The following KLRF2 variants were observed in gnomAD, a reference collection of about 807,000 sequenced individuals.
The protein encoded by KLRF2 is killer cell lectin-like receptor subfamily F member 2.
Under a neutral mutation model 25.3 loss-of-function variants are expected in KLRF2, and 28 were observed. The ratio of observed to expected loss-of-function variants is 1.11; its 90% CI spans 0.82 to 1.52. The LOEUF is 1.52. KLRF2 is among the 40% of genes most tolerant of loss of function. The pLI is 0.00. For missense variants in KLRF2, 265 were observed against 245.8 expected, an observed-to-expected ratio of 1.08 and a Z score of -0.52; for synonymous variants, 73 against 85.0, an observed-to-expected ratio of 0.86 and a Z score of 0.78.
intron 2 of KLRF2, among the ~76,000 whole-genome samples, chr12:9,886,752 C>T (rs565755004): frequency 1.3e-3 from 177 of 139,656 alleles, no homozygotes; most frequent in African/African-American, 4.6e-3. Flanking sequence ...GGATTTTGCC[C>T]CTATATCATG....
intron 3 of KLRF2, 32 bp downstream of exon 3, chr12:9,888,812 C>G (rs969922426): frequency 1.5e-6 from 2 of 1,355,074 alleles, no homozygotes; most frequent in African/African-American, 2.9e-5. Context: ...ATGTGCTACT[C>G]TTAGGGGTAA....
intron 2 of KLRF2, among the ~76,000 whole-genome samples, chr12:9,888,215 G>A (rs550878251): frequency 6.6e-6 from 1 of 152,042 alleles, no homozygotes; most frequent in South Asian, 2.1e-4. Flanking sequence ...TGCAGGCCGG[G>A]CATGGTGGCT....
intron 5 of KLRF2, among the ~76,000 whole-genome samples, chr12:9,893,893 A>G (rs1392946871): frequency 6.6e-6 from 1 of 152,186 alleles, no homozygotes; most frequent in Non-Finnish European, 1.5e-5. Context: ...GGTAAAAGCA[A>G]AGACAAAATT....
chr12:9,894,002 G>A (rs1413406495), intron 5 of KLRF2, among the ~76,000 whole-genome samples: 1 of 151,854 alleles, frequency 6.6e-6, no homozygotes, highest in Non-Finnish European at 1.5e-5. Context: ...AACTAAACTT[G>A]TTGATATCCA....
At chr12:9,889,091 T>C (rs1862640805) in intron 3 of KLRF2, among the ~76,000 whole-genome samples, 1 of 152,198 alleles carries the variant, frequency 6.6e-6, no homozygotes, top group African/African-American at 2.4e-5. Flanking sequence ...AGGTGTGACA[T>C]GTAATGGCTG....
chr12:9,881,747 T>C, intron 1 of KLRF2, 82 bp downstream of exon 1: 1 of 981,438 alleles, frequency 1.0e-6, no homozygotes. Context: ...ATTTTTAACA[T>C]CTTAACATTG....
In KLRF2 at chr12:9,895,680, G is replaced by T. The variant is rs1318486841; in HGVS notation, c.480-9G>T. 2 of 1,515,874 alleles carry T rather than the reference G, an allele frequency of 1.3e-6. No individual in the cohort carries two copies. Among genetic ancestry groups the T allele is most frequent in the Non-Finnish European group, 1.8e-6 (2 of 1,140,838 alleles). 93.9% of individuals were successfully genotyped at this position (1,515,874 alleles called of 1,614,324 possible). Reference sequence around the variant, plus strand: ...ATAAATGCTGAAAAATCTGTCCTTTGTCTCTTAGGTTTTCAGTGATTGGAC... The same window carrying T: ...ATAAATGCTGAAAAATCTGTCCTTTTTCTCTTAGGTTTTCAGTGATTGGAC... On this transcript the variant is annotated splice_polypyrimidine_tract_variant and intron_variant, in intron 5 of 5. Transcript: ENST00000535540.
chr12:9,894,126 T>TTTTCTCTCTC (rs1862724795), intron 5 of KLRF2, among the ~76,000 whole-genome samples: 1 of 130,200 alleles, frequency 7.7e-6, no homozygotes, highest in African/African-American at 3.0e-5. Context: ...TTTCTTTTCT[T>TTTTCTCTCTC]TCTCTCTCTC....
At chr12:9,892,938 C>G (rs16908349) in intron 3 of KLRF2, 82 bp from the exon 4 acceptor site, 32,005 of 1,144,534 alleles carry the variant, frequency 0.028, 629 homozygotes, top group Middle Eastern at 0.053. Context: ...AATCTATTTT[C>G]CAAGTAGTCA....
intron 3 of KLRF2, 77 bp from the exon 4 acceptor site, chr12:9,892,943 T>A: frequency 8.5e-7 from 1 of 1,179,894 alleles, no homozygotes; most frequent in Non-Finnish European, 1.2e-6. Context: ...ATTTTCCAAG[T>A]AGTCACATTT....
chr12:9,884,787 C>G (rs1290132680), intron 1 of KLRF2, 147 bp from the exon 2 acceptor site: 2 of 363,066 alleles, frequency 5.5e-6, no homozygotes, highest in East Asian at 4.2e-5. Flanking sequence ...GTTTGGGATT[C>G]TAGACTTTTT....
chr12:9,894,870 T>C (rs1862739250), intron 5 of KLRF2, among the ~76,000 whole-genome samples: 1 of 152,070 alleles, frequency 6.6e-6, no homozygotes, highest in Non-Finnish European at 1.5e-5. Context: ...ATATTATTTT[T>C]TACTTTTTTG....
At position 9,886,763 on chromosome 12, in the gene KLRF2, CAAAAAA is replaced by C. The variant is rs770999069; in HGVS notation, c.169+1745_169+1750del. Among the ~76,000 whole-genome samples, 63 of 103,506 alleles carry C rather than the reference CAAAAAA, an allele frequency of 6.1e-4. 1 individual carries two copies. Among genetic ancestry groups the C allele is most frequent in the African/African-American group, 1.9e-3 (50 of 26,578 alleles). 67.9% of individuals were successfully genotyped at this position (103,506 alleles called of 152,430 possible). ...CAGTGGATTTTGCCCCTATATCATG[CAAAAAA>C]AAAAAAAAAAAAAGAGAGAAGAACT... On this transcript the variant is annotated intron_variant, in intron 2 of 5. Transcript: ENST00000535540.
chr12:9,884,272 A>G (rs967973174), intron 1 of KLRF2, among the ~76,000 whole-genome samples: 4 of 152,052 alleles, frequency 2.6e-5, no homozygotes, highest in African/African-American at 7.2e-5. Context: ...GCGATGAAAT[A>G]CTATAGCATA....
intron 3 of KLRF2, among the ~76,000 whole-genome samples, chr12:9,891,657 C>T (rs972590012): frequency 6.6e-6 from 1 of 152,076 alleles, no homozygotes; most frequent in Non-Finnish European, 1.5e-5. Context: ...ATTTAGTTAT[C>T]CTGAATCTTT....
intron 2 of KLRF2, among the ~76,000 whole-genome samples, chr12:9,888,266 G>A (rs1333186587): frequency 1.5e-4 from 22 of 151,724 alleles, no homozygotes; most frequent in Admixed American, 7.2e-4. Context: ...CGAGGCGGGC[G>A]GATCACGAGG....
chr12:9,893,164 AG>A lies in KLRF2; in HGVS notation c.363del (p.Glu121AspfsTer9), dbSNP rs1347108427. On this transcript the variant is annotated frameshift_variant, in exon 4 of 6. Transcript: ENST00000535540. LOFTEE classifies it high-confidence loss of function. ...TTACTGGTGATTCAAAATTTGGATG[AG>A]CTGGTGAGAAATCAAAAACAGGATC... The part of the protein sequence containing the change: ...AHLLVIQNLD[E>X]LEFIQNSLKP... 1 of 1,530,904 alleles carries A rather than the reference AG, an allele frequency of 6.5e-7. No individual in the cohort carries two copies. Among genetic ancestry groups the A allele is most frequent in the East Asian group, 2.5e-5 (1 of 40,784 alleles). 94.8% of individuals were successfully genotyped at this position (1,530,904 alleles called of 1,614,324 possible).
At chr12:9,885,060 A>T in intron 2 of KLRF2, 28 bp downstream of exon 2, 4 of 854,250 alleles carry the variant, frequency 4.7e-6, no homozygotes, top group Non-Finnish European at 6.3e-6. Flanking sequence ...ATTTATTTGA[A>T]CATTTTCAGA....
intron 1 of KLRF2, among the ~76,000 whole-genome samples, chr12:9,883,098 A>T (rs1868111971): frequency 6.6e-6 from 1 of 152,226 alleles, no homozygotes; most frequent in African/African-American, 2.4e-5. Context: ...TACTGTAGGC[A>T]TGTTTGTGCT....
Sources: allele counts gnomAD v4.1 joint callset (sites outside exome capture counted in the v4.1 genomes callset), GRCh38; gene constraint gnomAD v4.1.1; transcripts MANE v1.5; gene names NCBI Gene and HGNC (gene_info 2026-07-23, HGNC 2026-07-21).